Variants in FRY observed in about 807,000 individuals in gnomAD.
FRY encodes protein furry homolog.
In FRY, 128 loss-of-function variants were observed where a neutral mutation model predicts 348.4. The observed-to-expected ratio is 0.37, with a 90% CI of 0.32 to 0.43. The LOEUF (loss-of-function observed/expected upper bound fraction) is 0.43, where lower values mean the gene tolerates loss of function less well. Among genes scored for constraint, FRY ranks in the 20% least tolerant of loss-of-function variants. The pLI is 1.00. For missense variants in FRY, 2,736 were observed against 3,695.2 expected (o/e 0.74, Z 6.73); for synonymous variants, 1,370 against 1,374.7 (o/e 1.00, Z 0.08).
chr13:32,059,669 T>TA (rs1382730845), intron 1 of FRY, among the ~76,000 whole-genome samples: 1 of 93,218 alleles, frequency 1.1e-5, no homozygotes, highest in East Asian at 2.4e-4. Flanking sequence ...CAGTAGGTGG[T>TA]ATTTCATCCC....
chr13:32,172,953 A>G (rs1156577007), intron 18 of FRY, among the ~76,000 whole-genome samples: 1 of 152,260 alleles, frequency 6.6e-6, no homozygotes, highest in Non-Finnish European at 1.5e-5. Flanking sequence ...ACAAGTAAGC[A>G]AGGAGAAATA....
chr13:32,117,430 G>C lies in FRY; in HGVS notation c.421G>C (p.Glu141Gln). Residue 141 changes from glutamate (E) to glutamine (Q), a missense_variant, in exon 4 of 61, where the codon GAA becomes CAA. Physicochemically the swap from Glu to Gln is conservative, Grantham distance 29 (BLOSUM62 2). Transcript: ENST00000542859. Reference protein sequence around the residue: ...WYKRQNGIEDESHEYRPRTSN... With the variant: ...WYKRQNGIEDQSHEYRPRTSN... ...TAAAAGGCAAAATGGCATTGAGGAT[G>C]AATCACATGAATACAGACCAAGAAC... 2 of 1,613,702 alleles carry C rather than the reference G, an allele frequency of 1.2e-6. No individual in the cohort carries two copies. Among genetic ancestry groups the C allele is most frequent in the Non-Finnish European group, 1.7e-6 (2 of 1,179,666 alleles).
At chr13:32,118,970 G>GTTTTAA (rs1452695534) in intron 4 of FRY, among the ~76,000 whole-genome samples, 2 of 151,992 alleles carry the variant, frequency 1.3e-5, no homozygotes, top group Non-Finnish European at 2.9e-5. Context: ...TTGTTCCTCT[G>GTTTTAA]TTTTGTCAGA....
intron 7 of FRY, among the ~76,000 whole-genome samples, chr13:32,126,646 G>A (rs76566795): frequency 1.3e-5 from 2 of 152,200 alleles, no homozygotes; most frequent in African/African-American, 4.8e-5. Flanking sequence ...AGCCCTTGAT[G>A]TGTTCTCAAC....
At chr13:32,293,565 T>C (rs1179813229) in intron 59 of FRY, among the ~76,000 whole-genome samples, 2 of 152,190 alleles carry the variant, frequency 1.3e-5, no homozygotes, top group African/African-American at 4.8e-5. Context: ...TTTATGCCAA[T>C]TTTTTTAATG....
chr13:32,219,484 C>T (rs1199607045), intron 36 of FRY, among the ~76,000 whole-genome samples: 4 of 147,080 alleles, frequency 2.7e-5, no homozygotes, highest in African/African-American at 9.9e-5. Flanking sequence ...GTTGGCTGGG[C>T]GCGGTGGCTC....
chr13:32,190,267 G>A (rs1047735415), intron 28 of FRY, among the ~76,000 whole-genome samples: 3 of 151,784 alleles, frequency 2.0e-5, no homozygotes, highest in Non-Finnish European at 2.9e-5. Context: ...GATTAAAATG[G>A]CCAAGGAAGC....
intron 46 of FRY, among the ~76,000 whole-genome samples, chr13:32,243,450 T>A (rs1440612945): frequency 2.0e-5 from 3 of 152,212 alleles, no homozygotes; most frequent in Non-Finnish European, 4.4e-5. Context: ...AAAAGTATAA[T>A]TACTGTGTCA....
Position 32,208,968 on chromosome 13 carries a change from G to T in FRY, c.4134G>T (p.Gly1378=). Residue 1378 remains glycine (G), a synonymous_variant, in exon 32 of 61, where the codon GGG becomes GGT. Transcript: ENST00000542859. The stretch of plus-strand genomic sequence containing the variant: ...TGGACAGCAGGCTCCTCCTCCCGGG[G>T]TCGAGCCCCAGCAGCCCAGAGGACG... ...ELVDSRLLLP[G]SSPSSPEDEV... The T allele has an allele frequency of 6.2e-7, 1 of 1,614,126 alleles. No individual in the cohort carries two copies. The highest frequency in any genetic ancestry group is 1.3e-5 in the African/African-American group (1 of 75,030).
chr13:32,111,756 ACTCAACACTTTT>A, intron 3 of FRY, among the ~76,000 whole-genome samples: 1 of 152,152 alleles, frequency 6.6e-6, no homozygotes, highest in Admixed American at 6.5e-5. Context: ...TTATATTTGG[ACTCAACACTTTT>A]CTCAGAGTGG....
intron 35 of FRY, among the ~76,000 whole-genome samples, chr13:32,217,852 T>G (rs1235432107): frequency 6.6e-6 from 1 of 152,202 alleles, no homozygotes; most frequent in East Asian, 1.9e-4. Context: ...TGTTGTTTTG[T>G]TTTTGTTTTT....
intron 13 of FRY, among the ~76,000 whole-genome samples, chr13:32,148,390 A>G (rs555308627): frequency 6.6e-6 from 1 of 152,386 alleles, no homozygotes; most frequent in African/African-American, 2.4e-5. Flanking sequence ...AAAGAATTTA[A>G]TAGGAATATT....
In FRY at chr13:32,144,265, G is replaced by GTTT. The variant is rs113250288; in HGVS notation, c.1180-3010_1180-3008dup. ...TAAATGTGTGCTTCTAAAAAGCCAGGTTTTTTTTTCTCCATGAAGCTAAAC... is the reference window on the plus strand; with the variant it reads ...TAAATGTGTGCTTCTAAAAAGCCAGGTTTTTTTTTTTTCTCCATGAAGCTAAAC... On this transcript the variant is annotated intron_variant, in intron 11 of 60. Transcript: ENST00000542859. Among the ~76,000 whole-genome samples the GTTT allele has an allele frequency of 3.8e-3, 563 of 147,038 alleles. 4 individuals are homozygous for GTTT. The highest frequency in any genetic ancestry group is 0.014 in the African/African-American group (547 of 39,070).
intron 1 of FRY, among the ~76,000 whole-genome samples, chr13:32,051,349 G>A (rs545058566): frequency 7.2e-5 from 11 of 152,286 alleles, no homozygotes; most frequent in African/African-American, 1.9e-4. Flanking sequence ...GAGGAAGGGA[G>A]TGGTGAGATG....
At chr13:32,211,149 C>T in intron 34 of FRY, 115 bp downstream of exon 34, 1 of 987,270 alleles carries the variant, frequency 1.0e-6, no homozygotes, top group Non-Finnish European at 1.6e-6. Flanking sequence ...CCTGTGTGTG[C>T]ATTCAGTTAA....
At position 32,296,228 on chromosome 13, in the gene FRY, C is replaced by A. The variant is rs895022870; in HGVS notation, c.*768C>A. On this transcript the variant is annotated 3_prime_UTR_variant, in exon 61 of 61. Transcript: ENST00000542859. ...TGCTTTTATGAGCATATTTATACTG[C>A]TGAAGGATGAGTGTTAATTTTAATT... is the stretch of plus-strand genomic sequence containing the variant. 1.3e-5 allele frequency: 2 copies of A among 152,548 alleles called. No homozygotes were observed. Among genetic ancestry groups the A allele is most frequent in the Non-Finnish European group, 2.9e-5 (2 of 68,032 alleles). 9.4% of individuals were successfully genotyped at this position (152,548 alleles called of 1,614,324 possible). A position where few individuals can be genotyped will look rare whatever the true frequency, so the allele number is the denominator to read the frequency against.
In FRY at chr13:32,288,995, G is replaced by A. The variant is rs558387455; in HGVS notation, c.8470-638G>A. The stretch of plus-strand genomic sequence containing the variant: ...TGTGACCCTGAAACATTTTAAATTC[G>A]AGAGGTATTTATGTGGCTCAAGGGC... On this transcript the variant is annotated intron_variant, in intron 58 of 60. Coordinates refer to ENST00000542859, the MANE Select transcript of FRY (RefSeq NM_023037.3). Among the ~76,000 whole-genome samples, 12 of 152,308 alleles carry A rather than the reference G, an allele frequency of 7.9e-5. No individual in the cohort carries two copies. The East Asian group carries it at 1.3e-3, about 17-fold the overall frequency.
intron 13 of FRY, among the ~76,000 whole-genome samples, chr13:32,148,965 G>A (rs1880629237): frequency 6.6e-6 from 1 of 151,212 alleles, no homozygotes; most frequent in African/African-American, 2.4e-5. Context: ...CTGAGAATGT[G>A]CTTTGTTTAT....
At chr13:32,087,907 G>A (rs1875990784) in intron 2 of FRY, among the ~76,000 whole-genome samples, 1 of 152,184 alleles carries the variant, frequency 6.6e-6, no homozygotes, top group African/African-American at 2.4e-5. Context: ...AAAACTGATT[G>A]TAATTTACTA....
Sources: allele counts gnomAD v4.1 joint callset (sites outside exome capture counted in the v4.1 genomes callset), GRCh38; gene constraint gnomAD v4.1.1; transcripts MANE v1.5; gene names NCBI Gene and HGNC (gene_info 2026-07-23, HGNC 2026-07-21).